Variants in MMEL1 observed in about 807,000 individuals in gnomAD.
The protein encoded by MMEL1 is membrane metallo-endopeptidase-like 1.
In MMEL1, 98 loss-of-function variants were observed where a neutral mutation model predicts 117.1. The observed-to-expected ratio is 0.84, with a 90% CI of 0.71 to 0.99. MMEL1 has a LOEUF of 0.99. Among genes scored for constraint, MMEL1 ranks in the 50% least tolerant of loss-of-function variants. The pLI is 0.00. For synonymous variants in MMEL1, 390 were observed against 415.1 expected (o/e 0.94, Z 0.74); for missense variants, 1,014 against 1,049.1 (o/e 0.97, Z 0.46).
chr1:2,622,570 G>A (rs1255886787), intron 2 of MMEL1, among the ~76,000 whole-genome samples: 1 of 152,158 alleles, frequency 6.6e-6, no homozygotes, highest in Non-Finnish European at 1.5e-5. Context: ...CTGATCTGTG[G>A]TAGGTAAAAA....
At chr1:2,628,178 C>A (rs1638358870) in intron 2 of MMEL1, among the ~76,000 whole-genome samples, 1 of 152,218 alleles carries the variant, frequency 6.6e-6, no homozygotes, top group Admixed American at 6.5e-5. Context: ...TCCCCCACTG[C>A]CCACCGCCCA....
At chr1:2,606,915 A>G (rs1645038022) in intron 7 of MMEL1, 59 bp downstream of exon 7, 1 of 1,491,936 alleles carries the variant, frequency 6.7e-7, no homozygotes, top group Non-Finnish European at 9.3e-7. Context: ...AGACCGAAGG[A>G]GCCCTGGTCC....
chr1:2,624,936 G>C (rs1350581621), intron 2 of MMEL1, among the ~76,000 whole-genome samples: 2 of 152,174 alleles, frequency 1.3e-5, no homozygotes, highest in East Asian at 3.9e-4. Flanking sequence ...AGGGGAGAGA[G>C]AGAGCGCGAA....
At chr1:2,597,346 C>A (rs1406315978) in intron 13 of MMEL1, among the ~76,000 whole-genome samples, 2 of 151,900 alleles carry the variant, frequency 1.3e-5, no homozygotes, top group African/African-American at 4.8e-5. Flanking sequence ...CCCATGGCAA[C>A]AGGAGGCTTG....
rs891401579 is a variant in MMEL1, at chr1:2,629,313, C to A, written c.154+18G>T. 6.6e-7 allele frequency: 1 copy of A among 1,512,858 alleles called. No individual in the cohort carries two copies. The highest frequency in any genetic ancestry group is 1.2e-5 in the South Asian group (1 of 81,048). The allele number at this position is 1,512,858 out of a possible 1,614,324, so 93.7% of individuals were successfully genotyped here. On this transcript the variant is annotated intron_variant, in intron 2 of 23. Transcript: ENST00000378412. ...GAGCGGGCACGGGGACAGGCGGGGG[C>A]GGGGCACCCGCACTCACCTCTGCGG...
At chr1:2,603,418 G>A (rs1009739765) in intron 11 of MMEL1, among the ~76,000 whole-genome samples, 3 of 152,312 alleles carry the variant, frequency 2.0e-5, no homozygotes, top group Admixed American at 2.0e-4. Context: ...CAAAGCACAG[G>A]GCGGTGCCTG....
rs1260615862 is a variant in MMEL1, at chr1:2,594,540, C to A, written c.1689-97G>T. 4.3e-6 allele frequency: 6 copies of A among 1,407,926 alleles called. No individual in the cohort carries two copies. In the Admixed American group the frequency reaches 7.9e-5, roughly 19 times the overall value. 87.2% of individuals were successfully genotyped at this position (1,407,926 alleles called of 1,614,324 possible). A position where few individuals can be genotyped will look rare whatever the true frequency, so the allele number is the denominator to read the frequency against. The stretch of plus-strand genomic sequence containing the variant: ...TGGACCAGGGCCTACCCTGGCCACA[C>A]CAGAGCAAGGGCCCAGGCCTATCCC... On this transcript the variant is annotated intron_variant, in intron 17 of 23. Coordinates refer to ENST00000378412, the MANE Select transcript of MMEL1 (RefSeq NM_033467.4).
At chr1:2,601,884 G>C (rs1039760106) in intron 11 of MMEL1, among the ~76,000 whole-genome samples, 1 of 152,238 alleles carries the variant, frequency 6.6e-6, no homozygotes, top group South Asian at 2.1e-4. Context: ...GCTGAGAACG[G>C]ACACCACCCA....
At chr1:2,620,736 A>G (rs1451410717) in intron 2 of MMEL1, among the ~76,000 whole-genome samples, 1 of 151,384 alleles carries the variant, frequency 6.6e-6, no homozygotes, top group East Asian at 1.9e-4. Flanking sequence ...TTGGTAGACC[A>G]GCTTATTGAA....
intron 17 of MMEL1, among the ~76,000 whole-genome samples, 160 bp from the exon 18 acceptor site, chr1:2,594,603 C>T (rs553955396): frequency 2.0e-5 from 3 of 152,286 alleles, no homozygotes; most frequent in East Asian, 1.9e-4. Flanking sequence ...GAGGAGGAGG[C>T]GACTTGGGCC....
chr1:2,591,537 T>G lies in MMEL1; in HGVS notation c.2240+20A>C. 6.2e-7 allele frequency: 1 copy of G among 1,608,300 alleles called. No individual in the cohort carries two copies. Among genetic ancestry groups the G allele is most frequent in the Non-Finnish European group, 8.5e-7 (1 of 1,175,146 alleles). On this transcript the variant is annotated intron_variant, in intron 23 of 23. Transcript: ENST00000378412. ...AGGGGGTTGTGGGTGGCAAGGGGGTTGTGAGCATGGGAGACTTGCCTGTAC... is the reference window on the plus strand; with the variant it reads ...AGGGGGTTGTGGGTGGCAAGGGGGTGGTGAGCATGGGAGACTTGCCTGTAC...
At chr1:2,620,014 G>A (rs182886089) in intron 2 of MMEL1, among the ~76,000 whole-genome samples, 3 of 152,320 alleles carry the variant, frequency 2.0e-5, no homozygotes, top group Admixed American at 2.0e-4. Flanking sequence ...CATCCAGGAA[G>A]ATAACGGGTA....
At chr1:2,627,468 T>C (rs922986745) in intron 2 of MMEL1, among the ~76,000 whole-genome samples, 14 of 152,208 alleles carry the variant, frequency 9.2e-5, no homozygotes, top group African/African-American at 3.4e-4. Context: ...ATAGACACCA[T>C]CACTCAGCAT....
chr1:2,601,869 A>G (rs1644937077), intron 11 of MMEL1, among the ~76,000 whole-genome samples: 2 of 152,268 alleles, frequency 1.3e-5, no homozygotes, highest in African/African-American at 4.8e-5. Context: ...ACAGGTGCAG[A>G]AACGGCTGAG....
At chr1:2,629,632 A>G (rs1638451184) in intron 1 of MMEL1, 111 bp from the exon 2 acceptor site, 4 of 953,638 alleles carry the variant, frequency 4.2e-6, no homozygotes, top group Non-Finnish European at 5.9e-6. Context: ...TGCCTTTGGA[A>G]CACTCTTCCC....
At chr1:2,623,950 T>C (rs1313322889) in intron 2 of MMEL1, among the ~76,000 whole-genome samples, 1 of 152,170 alleles carries the variant, frequency 6.6e-6, no homozygotes, top group Non-Finnish European at 1.5e-5. Context: ...GAGATCCTTG[T>C]GGGCCCAGAA....
At chr1:2,629,023 G>C (rs1054380819) in intron 2 of MMEL1, among the ~76,000 whole-genome samples, 9 of 151,956 alleles carry the variant, frequency 5.9e-5, no homozygotes, top group African/African-American at 2.2e-4. Flanking sequence ...CACCCTCCGG[G>C]AGTCCGGCGG....
chr1:2,600,422 G>A (rs1644912224), intron 11 of MMEL1, among the ~76,000 whole-genome samples: 1 of 152,170 alleles, frequency 6.6e-6, no homozygotes, highest in African/African-American at 2.4e-5. Flanking sequence ...AACTGGACCA[G>A]GTGCGGTGGC....
chr1:2,605,903 C>A (rs1432097386), intron 8 of MMEL1, among the ~76,000 whole-genome samples: 2 of 152,152 alleles, frequency 1.3e-5, no homozygotes, highest in African/African-American at 4.8e-5. Context: ...GAGTGGGGCG[C>A]GTATTTGTTT....
Sources: allele counts gnomAD v4.1 joint callset (sites outside exome capture counted in the v4.1 genomes callset), GRCh38; gene constraint gnomAD v4.1.1; transcripts MANE v1.5; gene names NCBI Gene and HGNC (gene_info 2026-07-23, HGNC 2026-07-21).